Variants in RAVER1 observed in about 807,000 individuals in gnomAD.
The protein encoded by RAVER1 is ribonucleoprotein PTB-binding 1.
RAVER1 carries 36 observed loss-of-function variants against 68.4 expected under a neutral mutation model. The observed-to-expected ratio is 0.53, with a 90% CI of 0.40 to 0.70. The LOEUF is 0.70. Ranked by LOEUF, RAVER1 falls within the 30% of genes least tolerant of loss-of-function variation. RAVER1 has a pLI of 0.00. For missense variants in RAVER1, 933 were observed against 1,019.8 expected, an observed-to-expected ratio of 0.91 and a Z score of 1.16; for synonymous variants, 469 against 472.7, an observed-to-expected ratio of 0.99 and a Z score of 0.10.
chr19:10,321,571 C>T lies in RAVER1; in HGVS notation c.1221G>A (p.Gly407=), dbSNP rs757531473. The T allele has an allele frequency of 1.5e-6, 2 of 1,378,908 alleles. No individual in the cohort carries two copies. The highest frequency in any genetic ancestry group is 2.1e-5 in the South Asian group (1 of 48,284). The allele number at this position is 1,378,908 out of a possible 1,614,324, so 85.4% of individuals were successfully genotyped here. The change falls in exon 7 of 13, where the codon GGG becomes GGA. Residue 407 remains glycine, a synonymous_variant. Coordinates refer to ENST00000617231, the MANE Select transcript of RAVER1 (RefSeq NM_133452.3). ...GDSPLGALQP[G]AQPANPLLGE... ...CGAGGAGGGGGTTGGCTGGCTGGGC[C>T]CCAGGCTGGAGGGCGCCCAGGGGTG...
At chr19:10,321,966 C>G (rs891756026) in intron 6 of RAVER1, 10 of 186,888 alleles carry the variant, frequency 5.4e-5, no homozygotes, top group African/African-American at 9.3e-5. Flanking sequence ...TACCACCAGA[C>G]AGACACACCT....
chr19:10,320,929 G>A lies in RAVER1; in HGVS notation c.1496C>T (p.Pro499Leu), dbSNP rs1341206464. 6.7e-7 allele frequency: 1 copy of A among 1,496,208 alleles called. No individual in the cohort carries two copies. Among genetic ancestry groups the A allele is most frequent in the Non-Finnish European group, 8.9e-7 (1 of 1,128,722 alleles). The allele number at this position is 1,496,208 out of a possible 1,614,324, so 92.7% of individuals were successfully genotyped here. A position where few individuals can be genotyped will look rare whatever the true frequency, so the allele number is the denominator to read the frequency against. The change falls in exon 9 of 13, where the codon CCC becomes CTC. Residue 499 changes from proline (P) to leucine (L), a missense_variant. Transcript: ENST00000617231. ...ATTCAGGGGAATCCGGTAGTCCTTG[G>A]GGGGCTCCCCCAGCAGTGAGACCTG... ...PPGVSLLGEPPKDYRIPLNPY... is the reference protein window; with the variant it reads ...PPGVSLLGEPLKDYRIPLNPY...
chr19:10,328,629 C>T lies in RAVER1; in HGVS notation c.756+13G>A. On this transcript the variant is annotated intron_variant, in intron 3 of 12. Coordinates refer to ENST00000617231, the MANE Select transcript of RAVER1 (RefSeq NM_133452.3). The surrounding 1 kb of genome is among the most constrained non-coding windows in gnomAD (Gnocchi z 4.4). ...CCTGGCACCTGCTCCCCAATGCTCTCCACAGGGCTCACCTGGCAGAAGGTG... is the reference window on the plus strand; with the variant it reads ...CCTGGCACCTGCTCCCCAATGCTCTTCACAGGGCTCACCTGGCAGAAGGTG... The T allele has an allele frequency of 6.5e-7, 1 of 1,539,410 alleles. No homozygotes were observed. The highest frequency in any genetic ancestry group is 2.4e-5 in the East Asian group (1 of 41,068).
At chr19:10,319,383 G>A (rs2040417548) in intron 9 of RAVER1, 143 bp from the exon 10 acceptor site, 4 of 760,318 alleles carry the variant, frequency 5.3e-6, no homozygotes, top group Non-Finnish European at 6.6e-6. Flanking sequence ...GCTGGATGCA[G>A]CTTGGCAGGG....
intron 1 of RAVER1, among the ~76,000 whole-genome samples, chr19:10,331,207 G>A (rs1444249120): frequency 3.3e-5 from 5 of 150,306 alleles, no homozygotes; most frequent in African/African-American, 1.2e-4. Flanking sequence ...AAAATTAGCC[G>A]GGCGCGGTGG....
intron 3 of RAVER1, among the ~76,000 whole-genome samples, chr19:10,327,172 C>A (rs1304387799): frequency 6.6e-6 from 1 of 151,944 alleles, no homozygotes; most frequent in Non-Finnish European, 1.5e-5. Context: ...TCCCAACAGA[C>A]ACCTAGTTTA....
chr19:10,323,978 G>A lies in RAVER1; in HGVS notation c.757-412C>T, dbSNP rs1328262400. Among the ~76,000 whole-genome samples the A allele has an allele frequency of 3.9e-5, 6 of 151,956 alleles. No homozygotes were observed. Among genetic ancestry groups the A allele is most frequent in the East Asian group, 1.9e-4 (1 of 5,186 alleles). The stretch of plus-strand genomic sequence containing the variant: ...AGCCTGACCAACATGGAGAAACCCC[G>A]TCTCTACTAAAAATACAAAATTAGC... On this transcript the variant is annotated intron_variant, in intron 3 of 12. Coordinates refer to ENST00000617231, the MANE Select transcript of RAVER1 (RefSeq NM_133452.3). This position sits in a 1 kb window ranked among gnomAD's most constrained non-coding sequence, Gnocchi z 6.2.
Position 10,321,638 on chromosome 19 carries a change from A to T in RAVER1, c.1174-20T>A. 7.1e-7 allele frequency: 1 copy of T among 1,407,506 alleles called. No individual in the cohort carries two copies. Among genetic ancestry groups the T allele is most frequent in the Non-Finnish European group, 9.3e-7 (1 of 1,074,814 alleles). The allele number at this position is 1,407,506 out of a possible 1,614,324, so 87.2% of individuals were successfully genotyped here. A position where few individuals can be genotyped will look rare whatever the true frequency, so the allele number is the denominator to read the frequency against. On this transcript the variant is annotated intron_variant, in intron 6 of 12. Transcript: ENST00000617231. Reference sequence around the variant, plus strand: ...GGGCTTCTAGGGACAGAGCACAGACAGTTGCAGATGGGGGCAGGGTGGCCC... The same window carrying T: ...GGGCTTCTAGGGACAGAGCACAGACTGTTGCAGATGGGGGCAGGGTGGCCC...
chr19:10,316,348 T>A lies in RAVER1; in HGVS notation c.*1106A>T. ...CAAGGGAGGGAAGCTGGTGGCCCAG[T>A]TGGCTGGGGGCAAGGCCCAGGGTCA... is the stretch of plus-strand genomic sequence containing the variant. On this transcript the variant is annotated 3_prime_UTR_variant, in exon 13 of 13. Coordinates refer to ENST00000617231, the MANE Select transcript of RAVER1 (RefSeq NM_133452.3). The A allele has an allele frequency of 8.9e-7, 1 of 1,117,714 alleles. No individual in the cohort carries two copies. The highest frequency in any genetic ancestry group is 1.1e-6 in the Non-Finnish European group (1 of 912,900). 69.2% of individuals were successfully genotyped at this position (1,117,714 alleles called of 1,614,324 possible). A position where few individuals can be genotyped will look rare whatever the true frequency, so the allele number is the denominator to read the frequency against.
chr19:10,320,441 C>T (rs749181531), intron 9 of RAVER1, among the ~76,000 whole-genome samples: 37 of 149,128 alleles, frequency 2.5e-4, no homozygotes, highest in Non-Finnish European at 4.6e-4. Context: ...GAGGTTGAGG[C>T]TGCAGTGAGC....
At chr19:10,330,238 G>A (rs900955735) in intron 2 of RAVER1, among the ~76,000 whole-genome samples, 11 of 152,162 alleles carry the variant, frequency 7.2e-5, no homozygotes, top group Non-Finnish European at 1.0e-4. Context: ...AATGCCAAGC[G>A]AGTGGAGTAG....
Position 10,329,382 on chromosome 19 carries a change from G to A in RAVER1, c.287-271C>T, listed in dbSNP as rs1051153851. On this transcript the variant is annotated intron_variant, in intron 2 of 12. Coordinates refer to ENST00000617231, the MANE Select transcript of RAVER1 (RefSeq NM_133452.3). This position sits in a 1 kb window ranked among gnomAD's most constrained non-coding sequence, Gnocchi z 4.6. Reference sequence around the variant, plus strand: ...GTGGGCCTGGCTCTGTCCTAAGAACGCTGTGGGTCACTCGGGTGATACCAA... The same window carrying A: ...GTGGGCCTGGCTCTGTCCTAAGAACACTGTGGGTCACTCGGGTGATACCAA... Among the ~76,000 whole-genome samples the A allele has an allele frequency of 6.6e-6, 1 of 152,228 alleles. No individual in the cohort carries two copies. Among genetic ancestry groups the A allele is most frequent in the African/African-American group, 2.4e-5 (1 of 41,460 alleles).
chr19:10,330,332 G>C (rs1208313661), intron 2 of RAVER1, 128 bp downstream of exon 2: 1 of 579,996 alleles, frequency 1.7e-6, no homozygotes, highest in Non-Finnish European at 3.1e-6. Flanking sequence ...GCAGATTGGG[G>C]CAACCTGCCA....
rs2040448128 is a variant in RAVER1, at chr19:10,322,816, C to A, written c.1079-77G>T. 1.2e-6 allele frequency: 1 copy of A among 863,602 alleles called. No individual in the cohort carries two copies. The highest frequency in any genetic ancestry group is 1.7e-6 in the Non-Finnish European group (1 of 592,178). 53.5% of individuals were successfully genotyped at this position (863,602 alleles called of 1,614,324 possible). On this transcript the variant is annotated intron_variant, in intron 5 of 12. Transcript: ENST00000617231. This position sits in a 1 kb window ranked among gnomAD's most constrained non-coding sequence, Gnocchi z 4.3. ...CACCTCACGAAACACAGCCCTGAAC[C>A]CATTGATGGGGCAGGAAACTGACAC...
intron 1 of RAVER1, among the ~76,000 whole-genome samples, chr19:10,332,893 G>A (rs928541680): frequency 6.6e-6 from 1 of 152,136 alleles, no homozygotes; most frequent in African/African-American, 2.4e-5. Context: ...GAAACTTCTG[G>A]ATGTGAGGTC....
chr19:10,320,818 C>A lies in RAVER1; in HGVS notation c.1607G>T (p.Arg536Leu). ...ARGWGGAGRS[R>L]RPAEGPPTNP... Reference sequence around the variant, plus strand: ...AGTTGGGGGGCCCTCAGCTGGGCGGCGGCTTCTCCCGGCGCCTCCCCAGCC... The same window carrying A: ...AGTTGGGGGGCCCTCAGCTGGGCGGAGGCTTCTCCCGGCGCCTCCCCAGCC... The change falls in exon 9 of 13, where the codon CGC becomes CTC. Residue 536 changes from arginine to leucine, a missense_variant. This residue lies in a region of RAVER1 where 699 missense variants were observed against 731.1 expected (regional missense o/e 0.96). Transcript: ENST00000617231. 1 of 1,519,862 alleles carries A rather than the reference C, an allele frequency of 6.6e-7. No individual in the cohort carries two copies. The highest frequency in any genetic ancestry group is 8.8e-7 in the Non-Finnish European group (1 of 1,141,272). The allele number at this position is 1,519,862 out of a possible 1,614,324, so 94.1% of individuals were successfully genotyped here.
At position 10,321,051 on chromosome 19, in the gene RAVER1, AGGGGG is replaced by A; in HGVS notation, c.1465_1469del (p.Pro489TrpfsTer34). 1.4e-6 allele frequency: 2 copies of A among 1,391,772 alleles called. No individual in the cohort carries two copies. Among genetic ancestry groups the A allele is most frequent in the Admixed American group, 3.4e-5 (1 of 29,072 alleles). 86.2% of individuals were successfully genotyped at this position (1,391,772 alleles called of 1,614,324 possible). On this transcript the variant is annotated frameshift_variant, in exon 8 of 13. Transcript: ENST00000617231. LOFTEE classifies it high-confidence loss of function. ...CGCGCGCAGGGCAGGGCCTTACCCC[AGGGGG>A]CGTCGGCAGAGGCCCACTGTCTTTC...
In RAVER1 at chr19:10,328,068, C is replaced by T. The variant is rs940512578; in HGVS notation, c.756+574G>A. Among the ~76,000 whole-genome samples the T allele has an allele frequency of 1.3e-5, 2 of 152,218 alleles. No individual in the cohort carries two copies. The highest frequency in any genetic ancestry group is 4.8e-5 in the African/African-American group (2 of 41,456). ...CTGGGATCTGGCAAAGCCTCAGTCT[C>T]TGACCTCAAGGCTCAAATAGACTGT... On this transcript the variant is annotated intron_variant, in intron 3 of 12. Transcript: ENST00000617231. The surrounding 1 kb of genome is among the most constrained non-coding windows in gnomAD (Gnocchi z 4.4).
chr19:10,319,023 C>T (rs1599298241), intron 10 of RAVER1, 143 bp downstream of exon 10: 1 of 712,398 alleles, frequency 1.4e-6, no homozygotes, highest in Non-Finnish European at 2.3e-6. Context: ...CCAGCCTGGG[C>T]AACACAGTGA....
Sources: allele counts gnomAD v4.1 joint callset (sites outside exome capture counted in the v4.1 genomes callset), GRCh38; gene constraint gnomAD v4.1.1; regional missense constraint gnomAD v4.1.1; non-coding constraint Gnocchi (gnomAD v3.1); transcripts MANE v1.5; gene names NCBI Gene and HGNC (gene_info 2026-07-23, HGNC 2026-07-21).